TCL1A: variants seen among roughly 807,000 people sequenced by gnomAD.
TCL1A encodes T-cell leukemia/lymphoma protein 1A.
TCL1A carries 9 observed loss-of-function variants against 16.9 expected under a neutral mutation model. The observed-to-expected ratio is 0.53, with a 90% CI of 0.32 to 0.93. TCL1A has a LOEUF of 0.93. Among genes scored for constraint, TCL1A ranks in the 40% least tolerant of loss-of-function variants. The pLI, the probability that TCL1A is intolerant of heterozygous loss-of-function variation, is 0.04. For synonymous variants in TCL1A, 69 were observed against 63.2 expected (o/e 1.09, Z -0.44); for missense variants, 139 against 153.0 (o/e 0.91, Z 0.48).
At chr14:95,713,857 T>C (rs527956018) in intron 1 of TCL1A, 90 bp downstream of exon 1, 3 of 1,563,038 alleles carry the variant, frequency 1.9e-6, no homozygotes, top group Non-Finnish European at 2.6e-6. Context: ...CCATAGTGAG[T>C]GCTCCTTGAG....
chr14:95,713,826 T>G (rs1452221101), intron 1 of TCL1A, 121 bp downstream of exon 1: 6 of 1,465,216 alleles, frequency 4.1e-6, no homozygotes, highest in Non-Finnish European at 5.5e-6. Flanking sequence ...AGTGGCTTCA[T>G]CTGTGGGGAT....
intron 1 of TCL1A, chr14:95,712,754 T>G (rs979054089): frequency 8.7e-7 from 1 of 1,147,678 alleles, no homozygotes; most frequent in Non-Finnish European, 1.2e-6. Flanking sequence ...CCAGCCTGGG[T>G]CACAGAGCGA....
Position 95,714,105 on chromosome 14 carries a change from T to C in TCL1A, c.-39A>G. ...CGCCTAAGAAGCAAGAGCCAGAGCC[T>C]CTCAAGGCCGCTCGCTGGTCCCTGG... On this transcript the variant is annotated 5_prime_UTR_variant, in exon 1 of 4. Coordinates refer to ENST00000402399, the MANE Select transcript of TCL1A (RefSeq NM_021966.3). 1 of 1,608,046 alleles carries C rather than the reference T, an allele frequency of 6.2e-7. No individual in the cohort carries two copies. Among genetic ancestry groups the C allele is most frequent in the African/African-American group, 1.3e-5 (1 of 74,952 alleles).
intron 1 of TCL1A, among the ~76,000 whole-genome samples, chr14:95,713,529 T>C (rs557219682): frequency 3.3e-5 from 5 of 152,316 alleles, no homozygotes; most frequent in East Asian, 1.9e-4. Context: ...AGGCCAGTGT[T>C]TGCTATGCCT....
At chr14:95,712,065 T>C in intron 2 of TCL1A, 155 bp downstream of exon 2, 1 of 1,026,802 alleles carries the variant, frequency 9.7e-7, no homozygotes, top group Middle Eastern at 3.2e-4. Context: ...CTATCTTCTC[T>C]CTGGTAAAGT....
chr14:95,711,571 T>C, intron 3 of TCL1A, 178 bp downstream of exon 3: 2 of 625,274 alleles, frequency 3.2e-6, no homozygotes, highest in Non-Finnish European at 5.5e-6. Flanking sequence ...ACAAAGCCCT[T>C]GGCTCCCGAA....
chr14:95,711,857 C>T lies in TCL1A; in HGVS notation c.298-55G>A, dbSNP rs1886365024. ...GATCGGCCAGAGCCCTCCACTCCCT[C>T]CATTCCTCACTCCTGCGCCTTCCCC... is the stretch of plus-strand genomic sequence containing the variant. On this transcript the variant is annotated intron_variant, in intron 2 of 3. Coordinates refer to ENST00000402399, the MANE Select transcript of TCL1A (RefSeq NM_021966.3). 3 of 1,591,396 alleles carry T rather than the reference C, an allele frequency of 1.9e-6. No individual in the cohort carries two copies. In the African/African-American group the frequency reaches 4.0e-5, roughly 21 times the overall value.
At chr14:95,712,636 G>A in intron 1 of TCL1A, 1 of 1,468,670 alleles carries the variant, frequency 6.8e-7, no homozygotes, top group Non-Finnish European at 9.0e-7. Context: ...CCCAGACAGG[G>A]CCATGAAAGG....
At position 95,713,968 on chromosome 14, in the gene TCL1A, G is replaced by A. The variant is rs776443853; in HGVS notation, c.99C>T (p.Ala33=). Reference sequence around the variant, plus strand: ...GTACCTCGATGGTTAAGGGCAGCCAGGCGTGCTGCTTCTCGTCCAAATACA... The same window carrying A: ...GTACCTCGATGGTTAAGGGCAGCCAAGCGTGCTGCTTCTCGTCCAAATACA... ...KFVYLDEKQH[A]WLPLTIEIKD... is the part of the protein sequence containing the mutation. Residue 33 remains alanine (A), a synonymous_variant, in exon 1 of 4, where the codon GCC becomes GCT. Coordinates refer to ENST00000402399, the MANE Select transcript of TCL1A (RefSeq NM_021966.3). The A allele has an allele frequency of 1.9e-6, 3 of 1,613,914 alleles. No homozygotes were observed. Among genetic ancestry groups the A allele is most frequent in the Middle Eastern group, 3.3e-4 (2 of 6,084 alleles).
intron 1 of TCL1A, among the ~76,000 whole-genome samples, chr14:95,713,116 A>ATT (rs1363967099): frequency 6.6e-6 from 1 of 152,270 alleles, no homozygotes; most frequent in Non-Finnish European, 1.5e-5. Flanking sequence ...TTAAGAGCCT[A>ATT]GAATTCCAAC....
chr14:95,713,488 C>G (rs1886438513), intron 1 of TCL1A, among the ~76,000 whole-genome samples: 2 of 152,266 alleles, frequency 1.3e-5, no homozygotes, highest in East Asian at 1.9e-4. Flanking sequence ...CTAAATAAAG[C>G]CCAGAGGTAG....
chr14:95,711,753 C>T lies in TCL1A; in HGVS notation c.*2G>A, dbSNP rs746507043. 1.9e-6 allele frequency: 3 copies of T among 1,613,264 alleles called. No individual in the cohort carries two copies. Among genetic ancestry groups the T allele is most frequent in the South Asian group, 1.1e-5 (1 of 90,826 alleles). On this transcript the variant is annotated 3_prime_UTR_variant, in exon 3 of 4. Coordinates refer to ENST00000402399, the MANE Select transcript of TCL1A (RefSeq NM_021966.3). ...TCAGGCTCCAGTGGAGCTCACCATACATCAGTCATCTGGCAGCAGCTCGAG... is the reference window on the plus strand; with the variant it reads ...TCAGGCTCCAGTGGAGCTCACCATATATCAGTCATCTGGCAGCAGCTCGAG...
chr14:95,711,192 G>T (rs1312091775), intron 3 of TCL1A, among the ~76,000 whole-genome samples: 1 of 151,870 alleles, frequency 6.6e-6, no homozygotes, highest in Non-Finnish European at 1.5e-5. Flanking sequence ...GGACGTGGTG[G>T]CTCATGCCTG....
intron 1 of TCL1A, 132 bp downstream of exon 1, chr14:95,713,815 A>G (rs541809458): frequency 7.2e-7 from 1 of 1,396,814 alleles, no homozygotes; most frequent in Admixed American, 2.2e-5. Flanking sequence ...GCCCGGCTCA[A>G]AGTGGCTTCA....
In TCL1A at chr14:95,714,012, A is replaced by G; in HGVS notation, c.55T>C (p.Trp19Arg). 1 of 1,614,032 alleles carries G rather than the reference A, an allele frequency of 6.2e-7. No individual in the cohort carries two copies. The highest frequency in any genetic ancestry group is 8.5e-7 in the Non-Finnish European group (1 of 1,180,010). ...EAVTDHPDRL[W>R]AWEKFVYLDE... ...AAATACACGAACTTCTCCCAGGCCC[A>G]CAGGCGGTCCGGGTGGTCGGTGACT... The change falls in exon 1 of 4, where the codon TGG becomes CGG. Residue 19 changes from tryptophan (W) to arginine (R), a missense_variant. Physicochemically the swap from Trp to Arg is moderately radical, Grantham distance 101. This residue lies in a region of TCL1A where 94 missense variants were observed against 80.2 expected (regional missense o/e 1.17). Transcript: ENST00000402399.
chr14:95,714,090 G>A lies in TCL1A; in HGVS notation c.-24C>T. ...ATGGCGTCCTCGGGCCGCCTAAGAA[G>A]CAAGAGCCAGAGCCTCTCAAGGCCG... On this transcript the variant is annotated 5_prime_UTR_variant, in exon 1 of 4. Coordinates refer to ENST00000402399, the MANE Select transcript of TCL1A (RefSeq NM_021966.3). The A allele has an allele frequency of 1.2e-6, 2 of 1,612,142 alleles. No homozygotes were observed. The highest frequency in any genetic ancestry group is 2.2e-5 in the East Asian group (1 of 44,872).
At chr14:95,713,352 T>G in intron 1 of TCL1A, among the ~76,000 whole-genome samples, 1 of 152,344 alleles carries the variant, frequency 6.6e-6, no homozygotes, top group Middle Eastern at 3.4e-3. Context: ...GTAAAAGACT[T>G]ATCTATTTCT....
At chr14:95,713,343 T>G (rs1886429547) in intron 1 of TCL1A, among the ~76,000 whole-genome samples, 1 of 152,238 alleles carries the variant, frequency 6.6e-6, no homozygotes, top group African/African-American at 2.4e-5. Context: ...CAAATACTTG[T>G]AAAAGACTTA....
In TCL1A at chr14:95,712,515, G is replaced by A. The variant is rs1044960843; in HGVS notation, c.121-119C>T. On this transcript the variant is annotated intron_variant, in intron 1 of 3. Coordinates refer to ENST00000402399, the MANE Select transcript of TCL1A (RefSeq NM_021966.3). ...CACCCATCTGGGCAGGGGTCCGAGT[G>A]TGAAATGATGGTCATCACTGTTCCC... The A allele has an allele frequency of 1.3e-5, 19 of 1,493,374 alleles. No homozygotes were observed. The African/African-American group carries it at 1.4e-4, about 11-fold the overall frequency. The allele number at this position is 1,493,374 out of a possible 1,614,324, so 92.5% of individuals were successfully genotyped here.
Sources: gnomAD v4.1 joint callset for allele counts (sites outside exome capture counted in the v4.1 genomes callset) on GRCh38, gnomAD v4.1.1 for gene constraint, gnomAD v4.1.1 regional missense constraint, MANE v1.5 for transcripts, NCBI Gene and HGNC (gene_info 2026-07-23, HGNC 2026-07-21) for gene names.